PDE4D: variants seen among roughly 807,000 people sequenced by gnomAD.
PDE4D encodes phosphodiesterase 4D.
PDE4D carries 24 observed loss-of-function variants against 87.4 expected under a neutral mutation model. The observed-to-expected ratio is 0.27, with a 90% confidence interval of 0.20 to 0.39. PDE4D has a LOEUF of 0.39. PDE4D is among the 10% of genes least tolerant of loss of function. PDE4D has a pLI of 1.00. For missense variants in PDE4D, 714 were observed against 1,041.0 expected (o/e 0.69, Z 4.32); for synonymous variants, 384 against 383.2 (o/e 1.00, Z -0.02).
At chr5:59,962,912 G>T (rs1434394410) in intron 3 of PDE4D, among the ~76,000 whole-genome samples, 1 of 152,094 alleles carries the variant, frequency 6.6e-6, no homozygotes, top group Non-Finnish European at 1.5e-5. Flanking sequence ...CTCTTAAAGG[G>T]AATTCCATAT....
intron 1 of PDE4D, among the ~76,000 whole-genome samples, chr5:60,380,802 A>G (rs1308394204): frequency 1.3e-5 from 2 of 152,234 alleles, no homozygotes; most frequent in Non-Finnish European, 2.9e-5. Context: ...CGAGAAATCG[A>G]CATCACTTAG....
At chr5:60,001,408 C>T (rs1363578025) in intron 2 of PDE4D, among the ~76,000 whole-genome samples, 2 of 152,104 alleles carry the variant, frequency 1.3e-5, no homozygotes, top group East Asian at 1.9e-4. Flanking sequence ...CAAAGTTAGC[C>T]TTCAGAAATG....
At chr5:59,598,295 C>A (rs1365870126) in intron 1 of PDE4D, among the ~76,000 whole-genome samples, 1 of 152,160 alleles carries the variant, frequency 6.6e-6, no homozygotes, top group Non-Finnish European at 1.5e-5. Context: ...GATTTCTCCT[C>A]TTTTCTCACT....
intron 1 of PDE4D, among the ~76,000 whole-genome samples, chr5:59,250,762 C>A (rs1256289253): frequency 6.6e-6 from 1 of 152,018 alleles, no homozygotes; most frequent in Non-Finnish European, 1.5e-5. Flanking sequence ...GAGGCATCAC[C>A]TTGCCCAACT....
chr5:60,113,286 T>C (rs1777855196), intron 2 of PDE4D, among the ~76,000 whole-genome samples: 1 of 152,090 alleles, frequency 6.6e-6, no homozygotes, highest in Non-Finnish European at 1.5e-5. Context: ...CTGTAACTTT[T>C]TTGAACATAA....
rs75556822 is a variant in PDE4D, at chr5:60,513,143, T to C, written n.70+8908A>G. Among the ~76,000 whole-genome samples, 160 of 152,158 alleles carry C rather than the reference T, an allele frequency of 1.1e-3. 1 individual carries two copies. Among genetic ancestry groups the C allele is most frequent in the African/African-American group, 3.8e-3 (157 of 41,520 alleles). Reference sequence around the variant, plus strand: ...ATAATAATTACATAAATCACAAACATTAAGATTTTATTCAAAAGACGAAAT... The same window carrying C: ...ATAATAATTACATAAATCACAAACACTAAGATTTTATTCAAAAGACGAAAT... On this transcript the variant is annotated intron_variant and non_coding_transcript_variant, in intron 1 of 2. Coordinates refer to the PDE4D transcript ENST00000506510.
intron 1 of PDE4D, among the ~76,000 whole-genome samples, chr5:59,390,814 G>A (rs532147179): frequency 6.6e-6 from 1 of 152,104 alleles, no homozygotes; most frequent in South Asian, 2.1e-4. Context: ...AAATAAAATG[G>A]CCTCCCATTA....
chr5:59,313,103 C>T (rs1160938601), intron 1 of PDE4D, among the ~76,000 whole-genome samples: 1 of 152,160 alleles, frequency 6.6e-6, no homozygotes, highest in Non-Finnish European at 1.5e-5. Context: ...GCTTCCAAAT[C>T]AGACATCATC....
intron 1 of PDE4D, among the ~76,000 whole-genome samples, chr5:60,303,460 C>A (rs1228298632): frequency 8.5e-5 from 13 of 152,138 alleles, no homozygotes; most frequent in Non-Finnish European, 1.5e-5. Context: ...AGGCGCGCGC[C>A]ACCACGCCCA....
At chr5:59,734,182 GGTTTT>G (rs1316135165) in intron 1 of PDE4D, among the ~76,000 whole-genome samples, 1 of 151,910 alleles carries the variant, frequency 6.6e-6, no homozygotes, top group African/African-American at 2.4e-5. Context: ...CCCAGGTACT[GGTTTT>G]ATTTAAAGCA....
chr5:59,607,753 C>T (rs748811373), intron 1 of PDE4D, among the ~76,000 whole-genome samples: 22 of 151,812 alleles, frequency 1.4e-4, no homozygotes, highest in Admixed American at 2.0e-4. Context: ...AACCACAATG[C>T]GGAAACAATA....
At chr5:60,197,282 T>C (rs1427957564) in intron 1 of PDE4D, among the ~76,000 whole-genome samples, 1 of 151,564 alleles carries the variant, frequency 6.6e-6, no homozygotes, top group Middle Eastern at 3.2e-3. Context: ...TCTGGGTAAT[T>C]ATGAGCCAGA....
intron 1 of PDE4D, among the ~76,000 whole-genome samples, chr5:60,283,507 A>G (rs1021015846): frequency 3.9e-5 from 6 of 152,156 alleles, no homozygotes; most frequent in Non-Finnish European, 7.4e-5. Flanking sequence ...TCTACTGAAA[A>G]GTTTTTGGCA....
At chr5:60,345,333 A>G (rs1583481870) in intron 1 of PDE4D, among the ~76,000 whole-genome samples, 2 of 152,172 alleles carry the variant, frequency 1.3e-5, no homozygotes, top group Admixed American at 1.3e-4. Flanking sequence ...ACATTAGGAG[A>G]TATACCTAAT....
At chr5:59,809,584 T>C (rs1397210717) in intron 1 of PDE4D, among the ~76,000 whole-genome samples, 1 of 152,198 alleles carries the variant, frequency 6.6e-6, no homozygotes, top group African/African-American at 2.4e-5. Context: ...GGATATAGTA[T>C]TGCCTGCCTG....
chr5:59,719,007 T>TAA (rs397883539), intron 1 of PDE4D, among the ~76,000 whole-genome samples: 1 of 139,658 alleles, frequency 7.2e-6, no homozygotes, highest in Non-Finnish European at 1.6e-5. Flanking sequence ...CTCTTAGAAT[T>TAA]AAAAAAAAAA....
intron 1 of PDE4D, among the ~76,000 whole-genome samples, chr5:59,513,655 A>G (rs1053390087): frequency 3.3e-5 from 5 of 152,186 alleles, no homozygotes; most frequent in African/African-American, 1.2e-4. Context: ...ATCTCTTTGA[A>G]TTGTTAAAGT....
At chr5:59,868,872 A>G (rs768427801) in intron 1 of PDE4D, among the ~76,000 whole-genome samples, 6 of 152,218 alleles carry the variant, frequency 3.9e-5, no homozygotes, top group Non-Finnish European at 7.3e-5. Flanking sequence ...TTTAAGAAAT[A>G]CCAAACTATT....
chr5:60,339,472 T>C (rs1275435950), intron 1 of PDE4D, among the ~76,000 whole-genome samples: 1 of 152,070 alleles, frequency 6.6e-6, no homozygotes, highest in Non-Finnish European at 1.5e-5. Flanking sequence ...CAGAACAGAA[T>C]GCAAATTAAA....
Sources: allele counts gnomAD v4.1 joint callset (sites outside exome capture counted in the v4.1 genomes callset), GRCh38; gene constraint gnomAD v4.1.1; transcripts MANE v1.5; gene names NCBI Gene and HGNC (gene_info 2026-07-23, HGNC 2026-07-21).